The following FOXM1 variants were observed in gnomAD, a reference collection of about 807,000 sequenced individuals.
FOXM1 encodes forkhead box protein M1.
Under a neutral mutation model 63.6 loss-of-function variants are expected in FOXM1, and 25 were observed. The ratio of observed to expected loss-of-function variants is 0.39; its 90% CI spans 0.29 to 0.55. The LOEUF is 0.55. FOXM1 is among the 20% of genes least tolerant of loss of function. FOXM1 has a pLI of 0.60. For synonymous variants in FOXM1, 387 were observed against 376.9 expected, an observed-to-expected ratio of 1.03 and a Z score of -0.31; for missense variants, 879 against 958.7, an observed-to-expected ratio of 0.92 and a Z score of 1.10.
At chr12:2,875,412 TCA>T (rs1167166575) in intron 1 of FOXM1, among the ~76,000 whole-genome samples, 12 of 152,186 alleles carry the variant, frequency 7.9e-5, no homozygotes, top group Non-Finnish European at 1.6e-4. Context: ...TTACAAAACC[TCA>T]CATAAAATGG....
intron 2 of FOXM1, among the ~76,000 whole-genome samples, chr12:2,873,579 C>G (rs1297485985): frequency 6.7e-6 from 1 of 149,754 alleles, no homozygotes; most frequent in Non-Finnish European, 1.5e-5. Flanking sequence ...CTTCTTTTTT[C>G]ATTTTTATTT....
chr12:2,875,723 TAGTCTTTTTTTTTTA>T (rs1267540955), intron 1 of FOXM1, among the ~76,000 whole-genome samples: 2 of 19,248 alleles, frequency 1.0e-4, no homozygotes, highest in Non-Finnish European at 1.9e-4. Context: ...GCTAACAGTG[TAGTCTTTTTTTTTTA>T]AGTCTTTTGT....
At chr12:2,865,772 C>T (rs1475456754) in intron 5 of FOXM1, among the ~76,000 whole-genome samples, 1 of 151,800 alleles carries the variant, frequency 6.6e-6, no homozygotes, top group Admixed American at 6.6e-5. Flanking sequence ...CCTGCCTCAG[C>T]CTCCCAAGTA....
At position 2,866,376 on chromosome 12, in the gene FOXM1, G is replaced by A. The variant is rs1197590058; in HGVS notation, c.975+17C>T. 7.0e-7 allele frequency: 1 copy of A among 1,438,546 alleles called. No homozygotes were observed. Among genetic ancestry groups the A allele is most frequent in the Non-Finnish European group, 9.2e-7 (1 of 1,091,274 alleles). 89.1% of individuals were successfully genotyped at this position (1,438,546 alleles called of 1,614,324 possible). On this transcript the variant is annotated intron_variant, in intron 5 of 8. Coordinates refer to ENST00000359843, the MANE Select transcript of FOXM1 (RefSeq NM_021953.4). ...CCTCCAACTTAGGCCCTATTTAGAG[G>A]AAAGCAGGGCATTCACCTTAAACAC...
At position 2,858,554 on chromosome 12, in the gene FOXM1, T is replaced by C; in HGVS notation, c.*84A>G. On this transcript the variant is annotated 3_prime_UTR_variant, in exon 9 of 9. Coordinates refer to ENST00000359843, the MANE Select transcript of FOXM1 (RefSeq NM_021953.4). ...GGAGCAGAACAGTCCCTGCCTGCTG[T>C]CCTCACTCAGAGGCTTGGGGTGCAC... 9.0e-6 allele frequency: 11 copies of C among 1,215,784 alleles called. No individual in the cohort carries two copies. In the South Asian group the frequency reaches 1.6e-4, roughly 18 times the overall value. 75.3% of individuals were successfully genotyped at this position (1,215,784 alleles called of 1,614,324 possible).
rs749248133 is a variant in FOXM1 at position 2,859,122 on chromosome 12, T to G, written c.1808A>C (p.Lys603Thr). Residue 603 changes from lysine (K) to threonine (T), a missense_variant, in exon 9 of 9, where the codon AAG becomes ACG. By Grantham distance (78) the Lys-to-Thr change is moderately conservative (BLOSUM62 -1). This residue lies in a region of FOXM1 where 486 missense variants were observed against 453.5 expected (regional missense o/e 1.07). Coordinates refer to ENST00000359843, the MANE Select transcript of FOXM1 (RefSeq NM_021953.4). Reference sequence around the variant, plus strand: ...GGTGGAGGAGATGGGCAGCGTTTCCTTAATGGGTGTCTTAAAAGGTCCTCC... The same window carrying G: ...GGTGGAGGAGATGGGCAGCGTTTCCGTAATGGGTGTCTTAAAAGGTCCTCC... ...EVGGPFKTPI[K>T]ETLPISSTPS... 6.2e-7 allele frequency: 1 copy of G among 1,606,098 alleles called. No individual in the cohort carries two copies. Among genetic ancestry groups the G allele is most frequent in the Non-Finnish European group, 8.5e-7 (1 of 1,177,022 alleles).
chr12:2,862,373 T>C (rs530136635), intron 8 of FOXM1, among the ~76,000 whole-genome samples: 2 of 151,298 alleles, frequency 1.3e-5, no homozygotes, highest in African/African-American at 4.9e-5. Context: ...AGGGGTGATG[T>C]GGGTGATGGT....
intron 8 of FOXM1, chr12:2,863,756 G>A (rs1417392443): frequency 6.6e-6 from 1 of 151,336 alleles, no homozygotes; most frequent in Non-Finnish European, 1.5e-5. Context: ...CTGTCACCCA[G>A]GCTGGAGTGC....
intron 8 of FOXM1, chr12:2,861,292 G>T: frequency 1.4e-6 from 1 of 728,906 alleles, no homozygotes; most frequent in South Asian, 1.6e-5. Flanking sequence ...AAGGTGCTCA[G>T]ACTTACTGAT....
rs561894912 is a variant in FOXM1, at chr12:2,867,035, C to T, written c.847-514G>A. ...AGGCATGGTGGCGCATGCCTTTAGT[C>T]CCAGCTACTCGGGAGGCTGAGGCAG... On this transcript the variant is annotated intron_variant, in intron 4 of 8. Coordinates refer to ENST00000359843, the MANE Select transcript of FOXM1 (RefSeq NM_021953.4). Among the ~76,000 whole-genome samples, 3 of 152,116 alleles carry T rather than the reference C, an allele frequency of 2.0e-5. 1 individual carries two copies. Among genetic ancestry groups the T allele is most frequent in the Non-Finnish European group, 2.9e-5 (2 of 68,034 alleles).
chr12:2,870,257 T>C (rs1334138714), intron 3 of FOXM1, among the ~76,000 whole-genome samples: 1 of 152,196 alleles, frequency 6.6e-6, no homozygotes, highest in African/African-American at 2.4e-5. Context: ...ATTACAAGCA[T>C]GAGTTATCGC....
rs747493254 is a variant in FOXM1, at chr12:2,858,625, C to A, written c.*13G>T. The A allele has an allele frequency of 1.2e-6, 2 of 1,607,752 alleles. No individual in the cohort carries two copies. The highest frequency in any genetic ancestry group is 1.1e-5 in the South Asian group (1 of 90,354). ...ATGGTGGACAGCTTGAGCACAGGGG[C>A]AAGGGCAGGGCTCTACTGTAGCTCA... On this transcript the variant is annotated 3_prime_UTR_variant, in exon 9 of 9. Coordinates refer to ENST00000359843, the MANE Select transcript of FOXM1 (RefSeq NM_021953.4).
Position 2,864,717 on chromosome 12 carries a change from G to C in FOXM1, c.1056C>G (p.Asn352Lys). The change falls in exon 7 of 9, where the codon AAC becomes AAG. Residue 352 changes from asparagine (N) to lysine (K), a missense_variant. Physicochemically the swap from Asn to Lys is moderately conservative, Grantham distance 94. Around this residue, in one of 4 missense-constraint regions of FOXM1, gnomAD observed 76 missense variants for 94.5 expected, o/e 0.80. Coordinates refer to ENST00000359843, the MANE Select transcript of FOXM1 (RefSeq NM_021953.4). The surrounding 1 kb of genome is among the most constrained non-coding windows in gnomAD (Gnocchi z 5.1). ...QKRPNPELRR[N>K]MTIKTELPLG... Reference sequence around the variant, plus strand: ...GGGGGAGTTCGGTTTTGATGGTCATGTTCCGGCGGAGCTCTGGATTCGGTC... The same window carrying C: ...GGGGGAGTTCGGTTTTGATGGTCATCTTCCGGCGGAGCTCTGGATTCGGTC... The C allele has an allele frequency of 1.2e-6, 2 of 1,614,216 alleles. No homozygotes were observed. The highest frequency in any genetic ancestry group is 8.5e-7 in the Non-Finnish European group (1 of 1,180,044).
At position 2,864,729 on chromosome 12, in the gene FOXM1, C is replaced by T. The variant is rs757991234; in HGVS notation, c.1044G>A (p.Glu348=). The change falls in exon 7 of 9, where the codon GAG becomes GAA. Residue 348 remains glutamate, a synonymous_variant. Coordinates refer to ENST00000359843, the MANE Select transcript of FOXM1 (RefSeq NM_021953.4). This position sits in a 1 kb window ranked among gnomAD's most constrained non-coding sequence, Gnocchi z 5.1. ...LESQQKRPNP[E]LRRNMTIKTE... Reference sequence around the variant, plus strand: ...TTTTGATGGTCATGTTCCGGCGGAGCTCTGGATTCGGTCGTTTCTGCTGCT... The same window carrying T: ...TTTTGATGGTCATGTTCCGGCGGAGTTCTGGATTCGGTCGTTTCTGCTGCT... 1.2e-6 allele frequency: 2 copies of T among 1,614,206 alleles called. No homozygotes were observed. The highest frequency in any genetic ancestry group is 2.2e-5 in the South Asian group (2 of 91,082).
chr12:2,869,243 G>A (rs2098128758), intron 3 of FOXM1, among the ~76,000 whole-genome samples: 1 of 152,122 alleles, frequency 6.6e-6, no homozygotes, highest in East Asian at 1.9e-4. Context: ...AGTTAGCTAA[G>A]TTTTAGGCAA....
intron 4 of FOXM1, 58 bp downstream of exon 4, chr12:2,868,505 A>G: frequency 1.5e-6 from 2 of 1,334,090 alleles, no homozygotes; most frequent in Non-Finnish European, 2.1e-6. Flanking sequence ...GCAGTACAGC[A>G]CTGGAGAGAC....
chr12:2,866,535 A>G lies in FOXM1; in HGVS notation c.847-14T>C. 3 of 1,512,100 alleles carry G rather than the reference A, an allele frequency of 2.0e-6. No individual in the cohort carries two copies. The highest frequency in any genetic ancestry group is 2.7e-5 in the South Asian group (2 of 75,272). The allele number at this position is 1,512,100 out of a possible 1,614,324, so 93.7% of individuals were successfully genotyped here. A position where few individuals can be genotyped will look rare whatever the true frequency, so the allele number is the denominator to read the frequency against. On this transcript the variant is annotated splice_polypyrimidine_tract_variant and intron_variant, in intron 4 of 8. Coordinates refer to ENST00000359843, the MANE Select transcript of FOXM1 (RefSeq NM_021953.4). ...GCGGATGGAGTTCTGGAAGAAGAGC[A>G]AGACAACTGGTTATCAGCTACTTTA...
chr12:2,868,714 G>C lies in FOXM1; in HGVS notation c.695C>G (p.Ser232Cys), dbSNP rs184039061. The C allele has an allele frequency of 1.5e-5, 24 of 1,613,936 alleles. No homozygotes were observed. In the East Asian group the frequency reaches 4.9e-4, roughly 33 times the overall value. The change falls in exon 4 of 9, where the codon TCT becomes TGT. Residue 232 changes from serine to cysteine, a missense_variant. By Grantham distance (112) the Ser-to-Cys change is moderately radical. Around this residue, in one of 4 missense-constraint regions of FOXM1, gnomAD observed 255 missense variants for 292.4 expected, o/e 0.87. Transcript: ENST00000359843. Reference protein sequence around the residue: ...PSRPSASWQNSVSERPPYSYM... With the variant: ...PSRPSASWQNCVSERPPYSYM... ...AGAGTAGGGTGGCCGCTCAGACACA[G>C]AGTTCTGCCAGGACGCTGATGGTCT...
rs905022526 is a variant in FOXM1, at chr12:2,864,256, A to G, written c.1266+64T>C. The G allele has an allele frequency of 7.3e-5, 105 of 1,435,082 alleles. No individual in the cohort carries two copies. Among genetic ancestry groups the G allele is most frequent in the Non-Finnish European group, 9.5e-5 (99 of 1,046,244 alleles). 88.9% of individuals were successfully genotyped at this position (1,435,082 alleles called of 1,614,324 possible). A position where few individuals can be genotyped will look rare whatever the true frequency, so the allele number is the denominator to read the frequency against. Reference sequence around the variant, plus strand: ...AGGAACACTTATCAGAGTGCTTTGCAAGCTGAAGGTCCAACATTCTTAATT... The same window carrying G: ...AGGAACACTTATCAGAGTGCTTTGCGAGCTGAAGGTCCAACATTCTTAATT... On this transcript the variant is annotated intron_variant, in intron 8 of 8. Coordinates refer to ENST00000359843, the MANE Select transcript of FOXM1 (RefSeq NM_021953.4). This position sits in a 1 kb window ranked among gnomAD's most constrained non-coding sequence, Gnocchi z 5.1.
Sources: allele counts gnomAD v4.1 joint callset (sites outside exome capture counted in the v4.1 genomes callset), GRCh38; gene constraint gnomAD v4.1.1; regional missense constraint gnomAD v4.1.1; non-coding constraint Gnocchi (gnomAD v3.1); transcripts MANE v1.5; gene names NCBI Gene and HGNC (gene_info 2026-07-23, HGNC 2026-07-21).